The following ASTN2 variants were observed in gnomAD, a reference collection of about 807,000 sequenced individuals.
ASTN2 encodes the protein astrotactin 2.
A neutral mutation model predicts 139.8 loss-of-function variants in ASTN2; 54 were observed. That is an observed-to-expected ratio of 0.39 (90% CI 0.31 to 0.48). ASTN2 has a LOEUF of 0.48. ASTN2 is among the 20% of genes least tolerant of loss of function. The pLI is 0.95. For synonymous variants in ASTN2, 756 were observed against 719.5 expected (o/e 1.05, Z -0.81); for missense variants, 1,565 against 1,725.1 (o/e 0.91, Z 1.64).
In ASTN2 at chr9:117,222,844, G is replaced by T. The variant is rs571695570; in HGVS notation, c.631-8102C>A. 2.0e-5 allele frequency among the ~76,000 whole-genome samples: 3 copies of T among 151,896 alleles called. 1 individual carries two copies. In the South Asian group the frequency reaches 6.2e-4, roughly 32 times the overall value. On this transcript the variant is annotated intron_variant, in intron 2 of 22. Coordinates refer to ENST00000313400, the MANE Select transcript of ASTN2 (RefSeq NM_001365068.1). Reference sequence around the variant, plus strand: ...AGTTGTTGATGCTCTTTACTTAGCTGCCCTACAGGTTAGATTATTATGCCC... The same window carrying T: ...AGTTGTTGATGCTCTTTACTTAGCTTCCCTACAGGTTAGATTATTATGCCC...
intron 7 of ASTN2, among the ~76,000 whole-genome samples, chr9:116,992,151 T>C (rs2132553218): frequency 6.6e-6 from 1 of 152,348 alleles, no homozygotes; most frequent in South Asian, 2.1e-4. Flanking sequence ...TAAAATATTT[T>C]GACTGCTTAA....
intron 16 of ASTN2, among the ~76,000 whole-genome samples, chr9:116,678,140 T>G (rs940577719): frequency 3.3e-5 from 5 of 152,212 alleles, no homozygotes; most frequent in Non-Finnish European, 7.3e-5. Context: ...ATATAGACAC[T>G]TGTTCTAAAT....
At chr9:116,704,317 T>A (rs752180820) in intron 16 of ASTN2, among the ~76,000 whole-genome samples, 2 of 138,706 alleles carry the variant, frequency 1.4e-5, no homozygotes, top group Non-Finnish European at 3.2e-5. Flanking sequence ...GTGTTTTGTT[T>A]ACATTAGAAT....
At chr9:117,137,290 T>G (rs140995131) in intron 4 of ASTN2, among the ~76,000 whole-genome samples, 1,888 of 152,286 alleles carry the variant, frequency 0.012, 65 homozygotes, top group Admixed American at 0.08. Flanking sequence ...TCCATGGCAC[T>G]GGTTCTCGGC....
intron 13 of ASTN2, among the ~76,000 whole-genome samples, chr9:116,803,514 ATATATATATTTTTTT>A (rs1337854040): frequency 1.3e-4 from 1 of 7,708 alleles, no homozygotes; most frequent in Non-Finnish European, 2.1e-4. Flanking sequence ...ATATATATAT[ATATATATATTTTTTT>A]TTTTTTTTTT....
At chr9:117,375,501 C>G (rs560885626) in intron 1 of ASTN2, among the ~76,000 whole-genome samples, 22 of 152,266 alleles carry the variant, frequency 1.4e-4, no homozygotes, top group Admixed American at 1.1e-3. Flanking sequence ...TATTTTGTGC[C>G]AGGAATTTTG....
At chr9:117,200,105 A>T (rs1436699492) in intron 3 of ASTN2, among the ~76,000 whole-genome samples, 1 of 150,680 alleles carries the variant, frequency 6.6e-6, no homozygotes, top group Non-Finnish European at 1.5e-5. Context: ...TTATACTTTA[A>T]GTTTTAGGGT....
At chr9:117,184,084 A>C (rs72762221) in intron 3 of ASTN2, among the ~76,000 whole-genome samples, 3 of 152,170 alleles carry the variant, frequency 2.0e-5, no homozygotes, top group African/African-American at 7.2e-5. Context: ...AGCCAGAAGA[A>C]GGTGTAGAGA....
chr9:117,236,804 A>T (rs917238920), intron 2 of ASTN2, among the ~76,000 whole-genome samples: 5 of 152,194 alleles, frequency 3.3e-5, no homozygotes, highest in African/African-American at 1.2e-4. Context: ...ATTCTATGTA[A>T]TTCATAGGGA....
intron 5 of ASTN2, among the ~76,000 whole-genome samples, chr9:117,084,165 C>T (rs577248899): frequency 2.1e-4 from 32 of 152,188 alleles, no homozygotes; most frequent in Non-Finnish European, 3.5e-4. Flanking sequence ...TCTAATGTCT[C>T]GTTAAATAGG....
At chr9:117,011,921 G>T (rs1399521776) in intron 6 of ASTN2, among the ~76,000 whole-genome samples, 2 of 152,148 alleles carry the variant, frequency 1.3e-5, no homozygotes, top group African/African-American at 4.8e-5. Flanking sequence ...CTTTTCCTCT[G>T]TCTAGAGTAG....
chr9:117,382,940 T>C (rs1181159173), intron 1 of ASTN2, among the ~76,000 whole-genome samples: 1 of 152,158 alleles, frequency 6.6e-6, no homozygotes, highest in African/African-American at 2.4e-5. Flanking sequence ...GAATGAATAC[T>C]ATATCCAGAA....
chr9:116,695,850 AG>A (rs1227604330), intron 16 of ASTN2, among the ~76,000 whole-genome samples: 2 of 152,170 alleles, frequency 1.3e-5, no homozygotes, highest in Non-Finnish European at 2.9e-5. Context: ...TGGGTGACGC[AG>A]AGGGTACTCT....
intron 16 of ASTN2, 84 bp from the exon 17 acceptor site, chr9:116,651,877 T>A: frequency 6.7e-7 from 1 of 1,494,932 alleles, no homozygotes; most frequent in Non-Finnish European, 9.1e-7. Flanking sequence ...AAAATACAGA[T>A]GCTAAGAAGC....
At chr9:116,525,764 T>C (rs2119259386) in intron 19 of ASTN2, among the ~76,000 whole-genome samples, 1 of 152,288 alleles carries the variant, frequency 6.6e-6, no homozygotes, top group Middle Eastern at 3.4e-3. Context: ...CCTACTATAC[T>C]GTCTCCTTGT....
intron 6 of ASTN2, among the ~76,000 whole-genome samples, chr9:117,024,847 G>A (rs1383080610): frequency 6.6e-6 from 1 of 152,040 alleles, no homozygotes; most frequent in Non-Finnish European, 1.5e-5. Context: ...GAGGGACCTG[G>A]TGGGAGATAA....
chr9:117,222,753 G>A (rs1326963748), intron 2 of ASTN2, among the ~76,000 whole-genome samples: 1 of 152,008 alleles, frequency 6.6e-6, no homozygotes, highest in Non-Finnish European at 1.5e-5. Flanking sequence ...TTTATCCTCT[G>A]CACTCCCACA....
chr9:116,568,397 T>C (rs1417824524), intron 19 of ASTN2: 1 of 152,116 alleles, frequency 6.6e-6, no homozygotes, highest in Non-Finnish European at 1.5e-5. Context: ...GTTAAGTAGA[T>C]GAAAGACCAA....
intron 10 of ASTN2, among the ~76,000 whole-genome samples, chr9:116,881,543 A>C (rs954372632): frequency 1.3e-5 from 2 of 152,356 alleles, no homozygotes; most frequent in South Asian, 4.1e-4. Flanking sequence ...TATTAAAACA[A>C]AAATGATAAG....
Sources: gnomAD v4.1 joint callset for allele counts (sites outside exome capture counted in the v4.1 genomes callset) on GRCh38, gnomAD v4.1.1 for gene constraint, MANE v1.5 for transcripts, NCBI Gene and HGNC (gene_info 2026-07-23, HGNC 2026-07-21) for gene names.